Variants in ST8SIA1 observed in about 807,000 individuals in gnomAD.
The protein encoded by ST8SIA1 is ST8 alpha-N-acetyl-neuraminide alpha-2,8-sialyltransferase 1, also known as alpha-N-acetylneuraminide alpha-2,8-sialyltransferase.
In ST8SIA1, 16 loss-of-function variants were observed where a neutral mutation model predicts 35.9. That is an observed-to-expected ratio of 0.45 (90% CI 0.30 to 0.68). ST8SIA1 has a LOEUF of 0.68. Among genes scored for constraint, ST8SIA1 ranks in the 30% least tolerant of loss-of-function variants. The probability of loss-of-function intolerance (pLI) is 0.09; values close to 1 mark genes in which losing one functional copy is unlikely to be tolerated. For missense variants in ST8SIA1, 383 were observed against 453.6 expected (o/e 0.84, Z 1.41); for synonymous variants, 170 against 169.6 (o/e 1.00, Z -0.02).
At chr12:22,325,614 A>G in intron 1 of ST8SIA1, 1 of 636,610 alleles carries the variant, frequency 1.6e-6, no homozygotes, top group Non-Finnish European at 2.8e-6. Flanking sequence ...TTATCTGTGG[A>G]GGATACATTC....
chr12:22,276,082 G>A (rs988745970), intron 2 of ST8SIA1, among the ~76,000 whole-genome samples: 6 of 152,242 alleles, frequency 3.9e-5, no homozygotes, highest in African/African-American at 1.4e-4. Flanking sequence ...CACAACACTG[G>A]GGAGTGATCT....
At chr12:22,328,279 T>C (rs1286591786) in intron 1 of ST8SIA1, among the ~76,000 whole-genome samples, 1 of 152,222 alleles carries the variant, frequency 6.6e-6, no homozygotes, top group Non-Finnish European at 1.5e-5. Flanking sequence ...ATTGGGTGGC[T>C]ATCTGGTTCC....
At chr12:22,266,524 G>T (rs1401160923) in intron 2 of ST8SIA1, among the ~76,000 whole-genome samples, 1 of 151,304 alleles carries the variant, frequency 6.6e-6, no homozygotes, top group Non-Finnish European at 1.5e-5. Context: ...TATAGGCCAG[G>T]CATGGTGGCT....
chr12:22,212,825 G>A (rs139166893), intron 4 of ST8SIA1, among the ~76,000 whole-genome samples: 1 of 152,244 alleles, frequency 6.6e-6, no homozygotes, highest in African/African-American at 2.4e-5. Flanking sequence ...TCTGCTAAGA[G>A]GTAGGCATAG....
At chr12:22,321,330 A>C (rs1053029893) in intron 1 of ST8SIA1, among the ~76,000 whole-genome samples, 1 of 152,196 alleles carries the variant, frequency 6.6e-6, no homozygotes, top group Non-Finnish European at 1.5e-5. Flanking sequence ...AAGAACCAGA[A>C]CACTTTGCCA....
intron 4 of ST8SIA1, among the ~76,000 whole-genome samples, chr12:22,223,033 T>G (rs1325841854): frequency 1.3e-5 from 2 of 152,214 alleles, no homozygotes; most frequent in East Asian, 3.8e-4. Flanking sequence ...TTATTTTCTT[T>G]TCATTCATGT....
chr12:22,305,803 T>A (rs1450307939), intron 1 of ST8SIA1, among the ~76,000 whole-genome samples: 1 of 152,244 alleles, frequency 6.6e-6, no homozygotes, highest in Non-Finnish European at 1.5e-5. Context: ...CAAAACAGAA[T>A]GATCTTTGCT....
intron 1 of ST8SIA1, among the ~76,000 whole-genome samples, chr12:22,321,306 T>TTTATC (rs369914951): frequency 0.036 from 5,544 of 152,296 alleles, 154 homozygotes; most frequent in African/African-American, 0.077. Flanking sequence ...CTAAGAGGGC[T>TTTATC]GCCCGCCAGG....
rs1469223796 is a variant in ST8SIA1 at position 22,198,790 on chromosome 12, T to C, written c.*2762A>G. 6.6e-6 allele frequency: 1 copy of C among 152,148 alleles called. No individual in the cohort carries two copies. The highest frequency in any genetic ancestry group is 1.5e-5 in the Non-Finnish European group (1 of 68,028). 9.4% of individuals were successfully genotyped at this position (152,148 alleles called of 1,614,324 possible). The stretch of plus-strand genomic sequence containing the variant: ...GATGTCAACCTTGATACTACTGACA[T>C]CTCAGCCTGGATAATTATTTTGCTG... On this transcript the variant is annotated 3_prime_UTR_variant, in exon 5 of 5. Transcript: ENST00000396037.
chr12:22,313,222 TCATACATATAAACC>T (rs1213837598), intron 1 of ST8SIA1, among the ~76,000 whole-genome samples: 4 of 152,092 alleles, frequency 2.6e-5, no homozygotes, highest in Non-Finnish European at 4.4e-5. Flanking sequence ...CTAATAAAGC[TCATACATATAAACC>T]CCTTTGCATG....
rs1555162777 is a variant in ST8SIA1, at chr12:22,321,003, G to GAAGAAAGA, written c.236+12986_236+12993dup. ...AGAAAGAAAGAAAGAAAGAAAGAAA[G>GAAGAAAGA]AAGAAAGAAAGAAAGAAAGAAAGAA... On this transcript the variant is annotated intron_variant, in intron 1 of 4. Transcript: ENST00000396037. 1.1e-3 allele frequency among the ~76,000 whole-genome samples: 88 copies of GAAGAAAGA among 76,526 alleles called. 2 individuals carry two copies. Among genetic ancestry groups the GAAGAAAGA allele is most frequent in the Middle Eastern group, 6.4e-3 (1 of 156 alleles). 50.2% of individuals were successfully genotyped at this position (76,526 alleles called of 152,430 possible).
At chr12:22,207,136 A>T (rs944924879) in intron 4 of ST8SIA1, among the ~76,000 whole-genome samples, 1 of 152,218 alleles carries the variant, frequency 6.6e-6, no homozygotes, top group African/African-American at 2.4e-5. Flanking sequence ...TGCAGCAGGG[A>T]TGGAAGAGCT....
chr12:22,333,759 CGA>C (rs1207330105), intron 1 of ST8SIA1: 2 of 714,614 alleles, frequency 2.8e-6, no homozygotes, highest in Admixed American at 2.0e-5. Context: ...AGAAATGCGT[CGA>C]GTCTTTACAT....
chr12:22,275,707 T>C (rs1236037203), intron 2 of ST8SIA1, among the ~76,000 whole-genome samples: 1 of 152,206 alleles, frequency 6.6e-6, no homozygotes, highest in Non-Finnish European at 1.5e-5. Flanking sequence ...CCAGGAAGGA[T>C]GAACCTGCTC....
intron 4 of ST8SIA1, among the ~76,000 whole-genome samples, chr12:22,211,819 C>T (rs1308538142): frequency 6.6e-6 from 1 of 152,160 alleles, no homozygotes. Context: ...GCAAGTGATT[C>T]TCCTGCATCA....
intron 4 of ST8SIA1, among the ~76,000 whole-genome samples, chr12:22,207,088 A>C (rs1307337035): frequency 6.6e-6 from 1 of 152,220 alleles, no homozygotes; most frequent in African/African-American, 2.4e-5. Context: ...GCTCCAGATG[A>C]ATGTCTCAAC....
rs138252807 is a variant in ST8SIA1, at chr12:22,282,286, C to A, written c.381+4863G>T. Among the ~76,000 whole-genome samples, 633 of 152,278 alleles carry A rather than the reference C, an allele frequency of 4.2e-3. 8 individuals carry two copies. Among genetic ancestry groups the A allele is most frequent in the African/African-American group, 0.015 (610 of 41,552 alleles). ...TAACCCCTCTCAGTCTTAGCTTCAT[C>A]CATGAAATGGAGGCAATAATAACAG... is the stretch of plus-strand genomic sequence containing the variant. On this transcript the variant is annotated intron_variant, in intron 2 of 4. Transcript: ENST00000396037.
At chr12:22,229,672 A>G (rs569353030) in intron 4 of ST8SIA1, among the ~76,000 whole-genome samples, 1 of 152,228 alleles carries the variant, frequency 6.6e-6, no homozygotes, top group Non-Finnish European at 1.5e-5. Flanking sequence ...TGATGGCTTG[A>G]AAGATGGTGC....
chr12:22,313,527 G>C (rs1312481688), intron 1 of ST8SIA1, among the ~76,000 whole-genome samples: 1 of 152,148 alleles, frequency 6.6e-6, no homozygotes, highest in Admixed American at 6.5e-5. Flanking sequence ...TCTAGCCTGT[G>C]CCAAAGGGCC....
Sources: allele counts gnomAD v4.1 joint callset (sites outside exome capture counted in the v4.1 genomes callset), GRCh38; gene constraint gnomAD v4.1.1; transcripts MANE v1.5; gene names NCBI Gene and HGNC (gene_info 2026-07-23, HGNC 2026-07-21).